The following ULK4 variants were observed in gnomAD, a reference collection of about 807,000 sequenced individuals.
The protein encoded by ULK4 is inactive serine/threonine-protein kinase ULK4.
A neutral mutation model predicts 160.6 loss-of-function variants in ULK4; 133 were observed. That is an observed-to-expected ratio of 0.83 (90% CI 0.72 to 0.96). The LOEUF is 0.96. Ranked by LOEUF, ULK4 falls within the 40% of genes least tolerant of loss-of-function variation. The pLI is 0.00. For synonymous variants in ULK4, 534 were observed against 539.8 expected, an observed-to-expected ratio of 0.99 and a Z score of 0.15; for missense variants, 1,580 against 1,499.5, an observed-to-expected ratio of 1.05 and a Z score of -0.89.
At position 41,344,195 on chromosome 3, in the gene ULK4, C is replaced by T. The variant is rs185261155; in HGVS notation, c.3678+53884G>A. ...CACACACCTACAACCATTTGATCTT[C>T]GACAAACTTGACAAAAACAAGCAGT... On this transcript the variant is annotated intron_variant, in intron 35 of 36. Transcript: ENST00000301831. Among the ~76,000 whole-genome samples the T allele has an allele frequency of 1.7e-4, 26 of 152,152 alleles. No individual in the cohort carries two copies. In the East Asian group the frequency reaches 3.9e-3, roughly 23 times the overall value.
intron 18 of ULK4, among the ~76,000 whole-genome samples, chr3:41,829,703 G>C (rs1009275851): frequency 1.1e-4 from 17 of 152,082 alleles, no homozygotes; most frequent in African/African-American, 4.1e-4. Flanking sequence ...TGGTGGGACT[G>C]TAAACTAGTT....
intron 27 of ULK4, among the ~76,000 whole-genome samples, chr3:41,689,747 T>C (rs1033887315): frequency 3.3e-5 from 5 of 152,092 alleles, no homozygotes; most frequent in Non-Finnish European, 7.3e-5. Flanking sequence ...TGAGATACCA[T>C]CTCACACCAG....
At chr3:41,471,893 C>A (rs1575270469) in intron 32 of ULK4, among the ~76,000 whole-genome samples, 2 of 141,376 alleles carry the variant, frequency 1.4e-5, no homozygotes, top group East Asian at 2.1e-4. Flanking sequence ...GTACCTACAT[C>A]AAAAAGAAAG....
intron 32 of ULK4, among the ~76,000 whole-genome samples, chr3:41,540,845 G>A (rs929404147): frequency 6.6e-5 from 10 of 151,400 alleles, no homozygotes; most frequent in East Asian, 1.9e-4. Flanking sequence ...TTTGAGAAGT[G>A]TCTGTTCCTA....
chr3:41,544,858 G>A (rs1186182436), intron 32 of ULK4, among the ~76,000 whole-genome samples: 1 of 152,096 alleles, frequency 6.6e-6, no homozygotes, highest in Non-Finnish European at 1.5e-5. Context: ...GATGCTTCAA[G>A]TCTACTTGAC....
At chr3:41,663,826 T>G (rs1266925918) in intron 29 of ULK4, 127 bp from the exon 30 acceptor site, 2 of 744,864 alleles carry the variant, frequency 2.7e-6, no homozygotes, top group Non-Finnish European at 4.4e-6. Context: ...AATAAAGATT[T>G]AAGTAATTTA....
intron 31 of ULK4, among the ~76,000 whole-genome samples, chr3:41,587,104 G>A (rs1347607985): frequency 1.3e-5 from 2 of 152,126 alleles, no homozygotes; most frequent in Non-Finnish European, 2.9e-5. Flanking sequence ...AGCTCATCCA[G>A]ATTGCTAACA....
At chr3:41,577,531 C>A (rs1047270646) in intron 31 of ULK4, among the ~76,000 whole-genome samples, 1 of 152,056 alleles carries the variant, frequency 6.6e-6, no homozygotes, top group African/African-American at 2.4e-5. Context: ...ATTGACTATA[C>A]TCACCCTGTT....
rs933427888 is a variant in ULK4 at position 41,444,496 on chromosome 3, C to T, written c.3492+11001G>A. On this transcript the variant is annotated intron_variant, in intron 34 of 36. Coordinates refer to ENST00000301831, the MANE Select transcript of ULK4 (RefSeq NM_017886.4). ...TTATTACCATTCTGCCCAATTCTCA[C>T]ATCAGTGAGATGTATAAATATAATG... 1.8e-4 allele frequency among the ~76,000 whole-genome samples: 27 copies of T among 152,208 alleles called. 1 individual carries two copies. Among genetic ancestry groups the T allele is most frequent in the African/African-American group, 5.3e-4 (22 of 41,522 alleles).
At chr3:41,430,583 G>A (rs2082882236) in intron 34 of ULK4, among the ~76,000 whole-genome samples, 1 of 151,926 alleles carries the variant, frequency 6.6e-6, no homozygotes, top group South Asian at 2.1e-4. Flanking sequence ...AATACCCCCG[G>A]GTACATTACT....
intron 35 of ULK4, among the ~76,000 whole-genome samples, chr3:41,369,637 A>G (rs2081322575): frequency 6.6e-6 from 1 of 151,980 alleles, no homozygotes; most frequent in South Asian, 2.1e-4. Context: ...TACTAAAAAA[A>G]TACAAAAATT....
At chr3:41,483,121 T>C (rs1307919932) in intron 32 of ULK4, among the ~76,000 whole-genome samples, 1 of 152,128 alleles carries the variant, frequency 6.6e-6, no homozygotes, top group Non-Finnish European at 1.5e-5. Flanking sequence ...TTCCTTCTCT[T>C]TTTTTTGTAC....
intron 35 of ULK4, among the ~76,000 whole-genome samples, chr3:41,277,449 T>A (rs541652169): frequency 1.3e-5 from 2 of 152,186 alleles, no homozygotes; most frequent in African/African-American, 4.8e-5. Context: ...GCTTAACATA[T>A]GCAAGTCAAT....
At chr3:41,792,703 G>T (rs73073326) in intron 20 of ULK4, among the ~76,000 whole-genome samples, 18,869 of 152,210 alleles carry the variant, frequency 0.12, 1,354 homozygotes, top group Middle Eastern at 0.27. Context: ...GAAAAGCTCA[G>T]GCAGAAAATA....
intron 32 of ULK4, among the ~76,000 whole-genome samples, chr3:41,550,631 G>C (rs1441192633): frequency 1.3e-5 from 2 of 151,874 alleles, no homozygotes; most frequent in Non-Finnish European, 2.9e-5. Context: ...ACAGAACCCA[G>C]GTATATAAAG....
chr3:41,651,302 A>C (rs2034731441), intron 30 of ULK4, among the ~76,000 whole-genome samples: 1 of 152,058 alleles, frequency 6.6e-6, no homozygotes. Flanking sequence ...CCTACATTTC[A>C]CCTTCCCAAA....
intron 31 of ULK4, among the ~76,000 whole-genome samples, chr3:41,583,308 G>T (rs1011739930): frequency 2.6e-5 from 4 of 151,954 alleles, no homozygotes; most frequent in Non-Finnish European, 5.9e-5. Context: ...TTATGAGTTT[G>T]CCTCTCTCTA....
At chr3:41,393,435 TG>T (rs1267095244) in intron 35 of ULK4, among the ~76,000 whole-genome samples, 1 of 152,170 alleles carries the variant, frequency 6.6e-6, no homozygotes, top group East Asian at 1.9e-4. Flanking sequence ...CATGGATTTC[TG>T]GGTCTTTGCT....
chr3:41,480,918 G>A (rs1479515620), intron 32 of ULK4, among the ~76,000 whole-genome samples: 3 of 152,168 alleles, frequency 2.0e-5, no homozygotes, highest in Admixed American at 2.0e-4. Context: ...ACAGCCTGGA[G>A]ATAACTGTCC....
Sources: allele counts gnomAD v4.1 joint callset (sites outside exome capture counted in the v4.1 genomes callset), GRCh38; gene constraint gnomAD v4.1.1; transcripts MANE v1.5; gene names NCBI Gene and HGNC (gene_info 2026-07-23, HGNC 2026-07-21).